Variants in ACSL3 observed in about 807,000 individuals in gnomAD.
The protein encoded by ACSL3 is fatty acid CoA ligase Acsl3.
In ACSL3, 34 loss-of-function variants were observed where a neutral mutation model predicts 84.7. The ratio of observed to expected loss-of-function variants is 0.40; its 90% CI spans 0.31 to 0.53. The LOEUF (loss-of-function observed/expected upper bound fraction) is 0.53, where lower values mean the gene tolerates loss of function less well. Among genes scored for constraint, ACSL3 ranks in the 20% least tolerant of loss-of-function variants. The pLI, the probability that ACSL3 is intolerant of heterozygous loss-of-function variation, is 0.48. For synonymous variants in ACSL3, 315 were observed against 299.4 expected, an observed-to-expected ratio of 1.05 and a Z score of -0.54; for missense variants, 680 against 873.1, an observed-to-expected ratio of 0.78 and a Z score of 2.79.
At chr2:222,902,964 G>A (rs1246720170) in intron 3 of ACSL3, among the ~76,000 whole-genome samples, 1 of 152,080 alleles carries the variant, frequency 6.6e-6, no homozygotes, top group South Asian at 2.1e-4. Context: ...GTTTCACCGG[G>A]GACTCTACCC....
In ACSL3 at chr2:222,930,749, CA is replaced by C; in HGVS notation, c.1672del (p.Arg558GlyfsTer17). 1 of 1,614,080 alleles carries C rather than the reference CA, an allele frequency of 6.2e-7. No homozygotes were observed. The highest frequency in any genetic ancestry group is 8.5e-7 in the Non-Finnish European group (1 of 1,179,992). On this transcript the variant is annotated frameshift_variant, in exon 14 of 17. Coordinates refer to ENST00000357430, the MANE Select transcript of ACSL3 (RefSeq NM_004457.5). LOFTEE classifies it high-confidence loss of function. ...TGATTTCTTTGAAGATGAAAATGGA[CA>C]AAGGTGGCTCTGTACTGGGGATATT... ...KADFFEDENG[Q>X]RWLCTGDIGE...
At chr2:222,919,298 A>G (rs1696669050) in intron 7 of ACSL3, 96 bp downstream of exon 7, 1 of 1,439,350 alleles carries the variant, frequency 6.9e-7, no homozygotes, top group Admixed American at 2.2e-5. Context: ...AGCTCAAATG[A>G]CACATCAGTT....
In ACSL3 at chr2:222,916,503, A is replaced by G. The variant is rs1343784242; in HGVS notation, c.556+7A>G. 6.4e-7 allele frequency: 1 copy of G among 1,562,446 alleles called. No homozygotes were observed. Among genetic ancestry groups the G allele is most frequent in the Admixed American group, 1.8e-5 (1 of 55,116 alleles). On this transcript the variant is annotated splice_region_variant and intron_variant, in intron 5 of 16. Transcript: ENST00000357430. Reference sequence around the variant, plus strand: ...TTTATGTATAATTTTCAGCGTATGTAGACTTTCTTATCTTCTGGAAGAATG... The same window carrying G: ...TTTATGTATAATTTTCAGCGTATGTGGACTTTCTTATCTTCTGGAAGAATG...
At position 222,890,301 on chromosome 2, in the gene ACSL3, A is replaced by C. The variant is rs1574529823; in HGVS notation, c.-148+2413A>C. Among the ~76,000 whole-genome samples, 3 of 152,330 alleles carry C rather than the reference A, an allele frequency of 2.0e-5. No individual in the cohort carries two copies. In the South Asian group the frequency reaches 6.2e-4, roughly 32 times the overall value. On this transcript the variant is annotated intron_variant, in intron 2 of 16. Transcript: ENST00000357430. ...GAAAAGGAAACATCTAAGTAATCTT[A>C]CTGAATGATATATAAATCGTTGAAA...
chr2:222,914,238 TG>T (rs1696518479), intron 4 of ACSL3, among the ~76,000 whole-genome samples: 3 of 32,426 alleles, frequency 9.3e-5, no homozygotes, highest in Non-Finnish European at 2.4e-4. Flanking sequence ...TGTGTACGTG[TG>T]TGTGTGTGTG....
intron 16 of ACSL3, among the ~76,000 whole-genome samples, chr2:222,935,648 A>C (rs1047366728): frequency 6.6e-6 from 1 of 152,148 alleles, no homozygotes; most frequent in Non-Finnish European, 1.5e-5. Context: ...AATATTTTTA[A>C]TCTTTGAAGA....
At chr2:222,941,436 T>TA (rs777964618) in intron 16 of ACSL3, 61 bp from the exon 17 acceptor site, 181 of 1,440,354 alleles carry the variant, frequency 1.3e-4, no homozygotes, top group Non-Finnish European at 1.6e-4. Flanking sequence ...GTGGGGAAGT[T>TA]ACACCATTTG....
At chr2:222,874,231 G>A (rs1391099538) in intron 1 of ACSL3, among the ~76,000 whole-genome samples, 2 of 152,042 alleles carry the variant, frequency 1.3e-5, no homozygotes, top group Non-Finnish European at 2.9e-5. Context: ...CACTATGTTG[G>A]CCAGACTGGT....
intron 14 of ACSL3, 147 bp from the exon 15 acceptor site, chr2:222,933,019 A>G: frequency 1.9e-6 from 1 of 522,988 alleles, no homozygotes; most frequent in Non-Finnish European, 3.4e-6. Context: ...TTTTAATTTC[A>G]GCATAACCAT....
chr2:222,942,988 G>C lies in ACSL3; in HGVS notation c.*1334G>C, dbSNP rs1697359133. ...AGCAATAGTGCACCAATTAAGATGT[G>C]CTCAAATCAGGACTTAAATCATAGG... On this transcript the variant is annotated 3_prime_UTR_variant, in exon 17 of 17. Coordinates refer to ENST00000357430, the MANE Select transcript of ACSL3 (RefSeq NM_004457.5). 4.5e-6 allele frequency: 1 copy of C among 223,402 alleles called. No individual in the cohort carries two copies. Among genetic ancestry groups the C allele is most frequent in the South Asian group, 1.8e-4 (1 of 5,440 alleles). The allele number at this position is 223,402 out of a possible 1,614,324, so 13.8% of individuals were successfully genotyped here. A position where few individuals can be genotyped will look rare whatever the true frequency, so the allele number is the denominator to read the frequency against.
intron 4 of ACSL3, among the ~76,000 whole-genome samples, chr2:222,910,019 A>C (rs538250862): frequency 2.6e-4 from 39 of 152,338 alleles, no homozygotes; most frequent in African/African-American, 8.7e-4. Context: ...TTCACTGATC[A>C]CAGCTTTCAT....
intron 2 of ACSL3, among the ~76,000 whole-genome samples, chr2:222,899,860 A>G (rs889963141): frequency 6.6e-6 from 1 of 152,154 alleles, no homozygotes; most frequent in Non-Finnish European, 1.5e-5. Flanking sequence ...AGATATCGGG[A>G]TATCTGGACA....
chr2:222,923,232 G>C, intron 10 of ACSL3, 83 bp downstream of exon 10: 1 of 1,140,422 alleles, frequency 8.8e-7, no homozygotes, highest in Non-Finnish European at 1.3e-6. Flanking sequence ...AAAATATATT[G>C]TTGACAAGGT....
At chr2:222,902,870 C>T in intron 3 of ACSL3, among the ~76,000 whole-genome samples, 1 of 152,174 alleles carries the variant, frequency 6.6e-6, no homozygotes, top group Non-Finnish European at 1.5e-5. Flanking sequence ...CTGGGACAGA[C>T]TTTCTCCCTC....
intron 5 of ACSL3, chr2:222,917,837 T>C (rs572381659): frequency 2.8e-6 from 1 of 362,008 alleles, no homozygotes; most frequent in East Asian, 4.1e-5. Context: ...TCTTTAAAAA[T>C]TGGAAATCTT....
intron 16 of ACSL3, among the ~76,000 whole-genome samples, chr2:222,936,307 T>G (rs560949119): frequency 6.6e-6 from 1 of 152,166 alleles, no homozygotes; most frequent in Admixed American, 6.5e-5. Flanking sequence ...CAATTATTAA[T>G]ACTATATTTA....
At chr2:222,932,265 C>T (rs1574566558) in intron 14 of ACSL3, among the ~76,000 whole-genome samples, 1 of 152,324 alleles carries the variant, frequency 6.6e-6, no homozygotes, top group East Asian at 1.9e-4. Flanking sequence ...CAGAAATAAA[C>T]CTGTTCAGAA....
intron 1 of ACSL3, among the ~76,000 whole-genome samples, chr2:222,872,014 T>C (rs1267528796): frequency 6.6e-6 from 1 of 152,080 alleles, no homozygotes; most frequent in Non-Finnish European, 1.5e-5. Context: ...AAAAGATGTA[T>C]AATTCTAGGG....
chr2:222,913,181 A>G (rs906917095), intron 4 of ACSL3, among the ~76,000 whole-genome samples: 9 of 152,226 alleles, frequency 5.9e-5, no homozygotes, highest in Non-Finnish European at 8.8e-5. Flanking sequence ...AGACTTCACT[A>G]TGACATTCCT....
Sources: allele counts gnomAD v4.1 joint callset (sites outside exome capture counted in the v4.1 genomes callset), GRCh38; gene constraint gnomAD v4.1.1; transcripts MANE v1.5; gene names NCBI Gene and HGNC (gene_info 2026-07-23, HGNC 2026-07-21).